Variants in CNTN6 observed in about 807,000 individuals in gnomAD.
CNTN6 encodes the protein contactin-6.
In CNTN6, 137 loss-of-function variants were observed where a neutral mutation model predicts 122.8. The observed-to-expected ratio is 1.12, with a 90% CI of 0.97 to 1.29. The LOEUF (loss-of-function observed/expected upper bound fraction) is 1.29. Among genes scored for constraint, CNTN6 ranks in the 50% most tolerant of loss-of-function variants. CNTN6 has a pLI of 0.00. For missense variants in CNTN6, 1,634 were observed against 1,223.4 expected, an observed-to-expected ratio of 1.34 and a Z score of -5.01; for synonymous variants, 570 against 426.0, an observed-to-expected ratio of 1.34 and a Z score of -4.16.
intron 11 of CNTN6, among the ~76,000 whole-genome samples, chr3:1,347,256 C>T (rs890358073): frequency 2.4e-4 from 36 of 152,028 alleles, no homozygotes; most frequent in African/African-American, 8.7e-4. Flanking sequence ...ATATAAATGC[C>T]TTTAAATTCT....
Position 1,383,125 on chromosome 3 carries a change from G to A in CNTN6, c.2350G>A (p.Glu784Lys). Reference sequence around the variant, plus strand: ...AGTCAAAGTGGGTGTGTATAATAATGAAGGAGAAGGATCCCTGAGTACTGT... The same window carrying A: ...AGTCAAAGTGGGTGTGTATAATAATAAAGGAGAAGGATCCCTGAGTACTGT... ...FEVKVGVYNNEGEGSLSTVTI... is the reference protein window; with the variant it reads ...FEVKVGVYNNKGEGSLSTVTI... Residue 784 changes from glutamate to lysine, a missense_variant, in exon 18 of 23, where the codon GAA (glutamate) becomes AAA (lysine). Glu to Lys is a moderately conservative substitution (Grantham distance 56). Transcript: ENST00000446702. The A allele has an allele frequency of 6.2e-7, 1 of 1,614,072 alleles. No individual in the cohort carries two copies. The highest frequency in any genetic ancestry group is 1.1e-5 in the South Asian group (1 of 91,078).
chr3:1,245,264 T>TATATAAC lies in CNTN6; in HGVS notation c.358+17276_358+17277insACATATA, dbSNP rs2094555469. Among the ~76,000 whole-genome samples the TATATAAC allele has an allele frequency of 3.9e-3, 19 of 4,832 alleles. 3 individuals are homozygous for TATATAAC. The highest frequency in any genetic ancestry group is 0.014 in the Admixed American group (4 of 284). 3.2% of individuals were successfully genotyped at this position (4,832 alleles called of 152,430 possible). A position where few individuals can be genotyped will look rare whatever the true frequency, so the allele number is the denominator to read the frequency against. On this transcript the variant is annotated intron_variant, in intron 4 of 22. Coordinates refer to ENST00000446702, the MANE Select transcript of CNTN6 (RefSeq NM_001289080.2). Reference sequence around the variant, plus strand: ...CACACACATATATATATAACATATATATATATATATACACACACATATATA... The same window carrying TATATAAC: ...CACACACATATATATATAACATATATATATAACATATATATATACACACACATATATA...
chr3:1,286,583 G>C (rs1443319533), intron 5 of CNTN6, among the ~76,000 whole-genome samples: 1 of 152,132 alleles, frequency 6.6e-6, no homozygotes, highest in African/African-American at 2.4e-5. Flanking sequence ...ACATTTTAAA[G>C]AAAATGTGAC....
At chr3:1,377,794 G>A (rs974419905) in intron 17 of CNTN6, among the ~76,000 whole-genome samples, 2 of 152,180 alleles carry the variant, frequency 1.3e-5, no homozygotes, top group Non-Finnish European at 2.9e-5. Context: ...CTCCAGAGCT[G>A]TAGAAGGTTG....
At chr3:1,313,387 G>T (rs1479532) in intron 7 of CNTN6, among the ~76,000 whole-genome samples, 45,442 of 151,856 alleles carry the variant, frequency 0.3, 8,325 homozygotes, top group East Asian at 0.61. Context: ...TCATGTCTCT[G>T]TTCATAATCT....
intron 7 of CNTN6, among the ~76,000 whole-genome samples, chr3:1,303,823 T>G (rs937004145): frequency 1.3e-5 from 2 of 152,214 alleles, no homozygotes; most frequent in African/African-American, 4.8e-5. Context: ...AGGCAGTTGT[T>G]ATACTACTGT....
intron 5 of CNTN6, among the ~76,000 whole-genome samples, chr3:1,293,588 T>C (rs1695698602): frequency 6.6e-6 from 1 of 152,184 alleles, no homozygotes; most frequent in African/African-American, 2.4e-5. Context: ...CAGTTTTTAA[T>C]GTAAGTACAG....
At chr3:1,390,643 C>T (rs964892236) in intron 20 of CNTN6, among the ~76,000 whole-genome samples, 1 of 151,894 alleles carries the variant, frequency 6.6e-6, no homozygotes, top group South Asian at 2.1e-4. Context: ...AAAGGATCAA[C>T]AAAATTGATA....
At chr3:1,400,027 C>T (rs993769643) in intron 20 of CNTN6, among the ~76,000 whole-genome samples, 1 of 152,028 alleles carries the variant, frequency 6.6e-6, no homozygotes, top group Non-Finnish European at 1.5e-5. Flanking sequence ...ATATTTGAGA[C>T]ACCTGGATTC....
intron 12 of CNTN6, among the ~76,000 whole-genome samples, chr3:1,368,501 T>G (rs1708544814): frequency 6.6e-6 from 1 of 152,168 alleles, no homozygotes; most frequent in South Asian, 2.1e-4. Flanking sequence ...TCATAAAAGT[T>G]GCATCAGAGA....
chr3:1,108,026 A>T (rs1200752815), intron 1 of CNTN6, among the ~76,000 whole-genome samples: 3 of 152,086 alleles, frequency 2.0e-5, no homozygotes, highest in Non-Finnish European at 4.4e-5. Context: ...TGTCAGTGTT[A>T]TGCAGAAAAT....
chr3:1,130,937 T>C (rs766061124), intron 1 of CNTN6, among the ~76,000 whole-genome samples: 5 of 152,206 alleles, frequency 3.3e-5, no homozygotes, highest in South Asian at 2.1e-4. Flanking sequence ...CTGTACTTTG[T>C]CTCCAGAGAT....
chr3:1,144,003 G>T (rs1009912306), intron 1 of CNTN6, among the ~76,000 whole-genome samples: 7 of 152,172 alleles, frequency 4.6e-5, no homozygotes, highest in Non-Finnish European at 1.5e-5. Context: ...AATAGTAGAA[G>T]CAAAATCTCT....
At chr3:1,149,491 T>C (rs1166921916) in intron 2 of CNTN6, among the ~76,000 whole-genome samples, 1 of 152,166 alleles carries the variant, frequency 6.6e-6, no homozygotes, top group Non-Finnish European at 1.5e-5. Context: ...GATCTTAAAA[T>C]GAATGAGAAT....
At chr3:1,152,767 A>G (rs1024210262) in intron 2 of CNTN6, among the ~76,000 whole-genome samples, 1 of 152,210 alleles carries the variant, frequency 6.6e-6, no homozygotes, top group African/African-American at 2.4e-5. Context: ...AATAGGTTGA[A>G]TCGTGTGCTA....
At chr3:1,286,172 T>A (rs186582282) in intron 5 of CNTN6, among the ~76,000 whole-genome samples, 9 of 152,318 alleles carry the variant, frequency 5.9e-5, no homozygotes, top group Admixed American at 5.2e-4. Context: ...GGCCAGATGT[T>A]GGGGAGATAG....
intron 2 of CNTN6, among the ~76,000 whole-genome samples, chr3:1,213,896 T>A (rs2094086367): frequency 6.6e-6 from 1 of 152,130 alleles, no homozygotes; most frequent in Non-Finnish European, 1.5e-5. Context: ...AGTGCCTTTG[T>A]TTGTAAATAC....
intron 12 of CNTN6, among the ~76,000 whole-genome samples, chr3:1,370,331 C>T (rs981744473): frequency 6.6e-6 from 1 of 151,966 alleles, no homozygotes; most frequent in African/African-American, 2.4e-5. Context: ...GGGAACATCA[C>T]ACACCGGGGA....
intron 17 of CNTN6, among the ~76,000 whole-genome samples, 176 bp downstream of exon 17, chr3:1,377,251 G>C (rs1332422665): frequency 6.6e-6 from 1 of 152,142 alleles, no homozygotes; most frequent in Admixed American, 6.6e-5. Flanking sequence ...TTTTCTCATG[G>C]TGAGACAGTA....
Sources: gnomAD v4.1 joint callset for allele counts (sites outside exome capture counted in the v4.1 genomes callset) on GRCh38, gnomAD v4.1.1 for gene constraint, MANE v1.5 for transcripts, NCBI Gene and HGNC (gene_info 2026-07-23, HGNC 2026-07-21) for gene names.